Variants in GPR179 observed in about 807,000 individuals in gnomAD.
GPR179 encodes probable G protein-coupled receptor 179.
Under a neutral mutation model 70.8 loss-of-function variants are expected in GPR179, and 52 were observed. The ratio of observed to expected loss-of-function variants is 0.73; its 90% confidence interval spans 0.59 to 0.93. GPR179 has a LOEUF of 0.93. Ranked by LOEUF, GPR179 falls within the 40% of genes least tolerant of loss-of-function variation. The pLI is 0.00. For missense variants in GPR179, 2,734 were observed against 2,966.8 expected (o/e 0.92, Z 1.82); for synonymous variants, 1,123 against 1,169.0 (o/e 0.96, Z 0.80).
chr17:38,332,985 C>T (rs921901003), intron 10 of GPR179, among the ~76,000 whole-genome samples: 4 of 152,244 alleles, frequency 2.6e-5, no homozygotes. Context: ...AGTAGGGCTC[C>T]ACTCTCGGCC....
chr17:38,340,866 C>T (rs1468742676), intron 1 of GPR179, among the ~76,000 whole-genome samples: 1 of 152,184 alleles, frequency 6.6e-6, no homozygotes, highest in Non-Finnish European at 1.5e-5. Flanking sequence ...TGCAGTGAGC[C>T]AAGATGGCGC....
In GPR179 at chr17:38,343,118, C is replaced by A. The variant is rs368375083; in HGVS notation, c.672G>T (p.Thr224=). The A allele has an allele frequency of 3.1e-6, 5 of 1,614,066 alleles. No homozygotes were observed. In the South Asian group the frequency reaches 3.3e-5, roughly 11 times the overall value. ...WPQADGYVGD[T]QQVRLSPPFL... ...AAGGAGGAGACAGCCTCACCTGCTG[C>A]GTGTCCCCCACATATCCATCTGCCT... Residue 224 remains threonine, a synonymous_variant, in exon 1 of 11, where the codon ACG becomes ACT. Coordinates refer to ENST00000616987, the MANE Select transcript of GPR179 (RefSeq NM_001004334.4). This position sits in a 1 kb window ranked among gnomAD's most constrained non-coding sequence, Gnocchi z 4.2.
At position 38,335,223 on chromosome 17, in the gene GPR179, C is replaced by T; in HGVS notation, c.1455G>A (p.Leu485=). ...GGTGCCGCAGCAGCCGCCCGCTGCT[C>T]AGAAGGGCACTCCGCTGGGCCGTTC... is the stretch of plus-strand genomic sequence containing the variant. ...LSRTAQRSAL[L]SSGRLLRHLG... The change falls in exon 7 of 11, where the codon CTG becomes CTA. Residue 485 remains leucine (L), a synonymous_variant. Transcript: ENST00000616987. 2.6e-6 allele frequency: 4 copies of T among 1,553,732 alleles called. No homozygotes were observed.
chr17:38,330,134 GA>G lies in GPR179; in HGVS notation c.3434del (p.Ile1145ThrfsTer39), dbSNP rs771804966. ...PKAVSKQAALIPSDDKESLQN... is the reference protein window; with the variant it reads ...PKAVSKQAALXPSDDKESLQN... ...GGAGGGACTCCTTGTCATCGGAGGG[GA>G]TAAGAGCGGCCTGCTTACTCACCGC... On this transcript the variant is annotated frameshift_variant, in exon 11 of 11. Transcript: ENST00000616987. LOFTEE classifies it low-confidence loss of function (END_TRUNC). 10 of 1,600,966 alleles carry G rather than the reference GA, an allele frequency of 6.2e-6. No individual in the cohort carries two copies. The African/African-American group carries it at 1.2e-4, about 19-fold the overall frequency.
chr17:38,328,443 A>C lies in GPR179; in HGVS notation c.5126T>G (p.Val1709Gly), dbSNP rs745336444. The part of the protein sequence containing the change: ...AGKAEICPWE[V>G]GAGAGEERAL... ...CCTTTCCTCCCCTGCTCCAGCACCC[A>C]CCTCCCAGGGACAGATTTCTGCCTT... Residue 1709 changes from valine to glycine, a missense_variant, in exon 11 of 11, where the codon GTG becomes GGG. Physicochemically the swap from Val to Gly is moderately radical, Grantham distance 109. Coordinates refer to ENST00000616987, the MANE Select transcript of GPR179 (RefSeq NM_001004334.4). 1.2e-5 allele frequency: 20 copies of C among 1,613,382 alleles called. No individual in the cohort carries two copies. In the South Asian group the frequency reaches 2.1e-4, roughly 17 times the overall value.
In GPR179 at chr17:38,339,506, C is replaced by T. The variant is rs183799079; in HGVS notation, c.814G>A (p.Val272Ile). The T allele has an allele frequency of 5.8e-4, 943 of 1,613,808 alleles. 2 individuals carry two copies. Among genetic ancestry groups the T allele is most frequent in the Non-Finnish European group, 7.3e-4 (867 of 1,179,734 alleles). ...TTGATGTCCACACTCTGGAGATCTA[C>T]GTCCATCTGCACCTGCCCCCTACGG... Reference protein sequence around the residue: ...PEVRGQVQMDVDLQSVDINQC... With the variant: ...PEVRGQVQMDIDLQSVDINQC... The change falls in exon 2 of 11, where the codon GTA becomes ATA. Residue 272 changes from valine (V) to isoleucine (I), a missense_variant. By Grantham distance (29) the Val-to-Ile change is conservative. Coordinates refer to ENST00000616987, the MANE Select transcript of GPR179 (RefSeq NM_001004334.4).
rs1180447115 is a variant in GPR179 at position 38,330,758 on chromosome 17, A to G, written c.2811T>C (p.Val937=). ...CAGACAGGGCCAAGATGGGGGTAGA[A>G]ACCTGGTGCCTGATGGGTGGATGAG... ...RLPHPPIRHQ[V]STPILALSGG... The change falls in exon 11 of 11, where the codon GTT becomes GTC. Residue 937 remains valine, a synonymous_variant. Coordinates refer to ENST00000616987, the MANE Select transcript of GPR179 (RefSeq NM_001004334.4). The G allele has an allele frequency of 4.4e-6, 7 of 1,589,398 alleles. No homozygotes were observed. Among genetic ancestry groups the G allele is most frequent in the Non-Finnish European group, 6.0e-6 (7 of 1,165,352 alleles).
chr17:38,339,945 C>T (rs2037436200), intron 1 of GPR179, among the ~76,000 whole-genome samples: 1 of 152,310 alleles, frequency 6.6e-6, no homozygotes, highest in Non-Finnish European at 1.5e-5. Context: ...CAGAGGGATC[C>T]TGCCCTGTAC....
chr17:38,329,563 C>G lies in GPR179; in HGVS notation c.4006G>C (p.Ala1336Pro), dbSNP rs368126533. The G allele has an allele frequency of 3.3e-5, 54 of 1,613,870 alleles. No homozygotes were observed. Among genetic ancestry groups the G allele is most frequent in the Non-Finnish European group, 4.5e-5 (53 of 1,180,032 alleles). ...ADRGGLSPGS[A>P]PQDPGRIRDK... ...CTGATTCTGCCAGGGTCCTGAGGAG[C>G]TGACCCAGGGGACAGACCTCCTCGA... The change falls in exon 11 of 11, where the codon GCT (alanine) becomes CCT (proline). Residue 1336 changes from alanine to proline, a missense_variant. Physicochemically the swap from Ala to Pro is conservative, Grantham distance 27. Coordinates refer to ENST00000616987, the MANE Select transcript of GPR179 (RefSeq NM_001004334.4).
rs369190209 is a variant in GPR179, at chr17:38,328,183, A to C, written c.5386T>G (p.Cys1796Gly). The C allele has an allele frequency of 6.2e-7, 1 of 1,611,500 alleles. No homozygotes were observed. The highest frequency in any genetic ancestry group is 8.5e-7 in the Non-Finnish European group (1 of 1,179,430). ...CAGGGACACACTTCACCTGGCCTGC[A>C]GCCCATATGATCCAGTTCCTGGAAC... is the stretch of plus-strand genomic sequence containing the variant. ...AGFQELDHMG[C>G]RPGEVCPWEA... The change falls in exon 11 of 11, where the codon TGC becomes GGC. Residue 1796 changes from cysteine to glycine, a missense_variant. By Grantham distance (159) the Cys-to-Gly change is radical (BLOSUM62 -3). Transcript: ENST00000616987.
chr17:38,336,853 C>T (rs2037407713), intron 4 of GPR179, 125 bp downstream of exon 4: 2 of 992,886 alleles, frequency 2.0e-6, no homozygotes, highest in Non-Finnish European at 3.0e-6. Context: ...CATCATGCTA[C>T]ACAGTGAGTT....
At position 38,343,886 on chromosome 17, in the gene GPR179, T is replaced by C; in HGVS notation, c.-97A>G. 1.0e-6 allele frequency: 1 copy of C among 983,736 alleles called. No homozygotes were observed. Among genetic ancestry groups the C allele is most frequent in the Non-Finnish European group, 1.5e-6 (1 of 688,846 alleles). The allele number at this position is 983,736 out of a possible 1,614,324, so 60.9% of individuals were successfully genotyped here. ...GGGCTGTCGGCCTCCACGCCTCCTATGCTGGCGTTCCTTCTTCCTCTCTCC... is the reference window on the plus strand; with the variant it reads ...GGGCTGTCGGCCTCCACGCCTCCTACGCTGGCGTTCCTTCTTCCTCTCTCC... On this transcript the variant is annotated 5_prime_UTR_variant, in exon 1 of 11. Coordinates refer to ENST00000616987, the MANE Select transcript of GPR179 (RefSeq NM_001004334.4). The surrounding 1 kb of genome is among the most constrained non-coding windows in gnomAD (Gnocchi z 4.2).
At chr17:38,335,557 G>A in intron 6 of GPR179, 34 bp downstream of exon 6, 2 of 1,442,640 alleles carry the variant, frequency 1.4e-6, no homozygotes, top group Non-Finnish European at 2.0e-6. Flanking sequence ...TCTGGGATGA[G>A]CAGCATGAGA....
rs1210316038 is a variant in GPR179, at chr17:38,326,750, T to A, written c.6819A>T (p.Lys2273Asn). 1 of 1,613,970 alleles carries A rather than the reference T, an allele frequency of 6.2e-7. No homozygotes were observed. The highest frequency in any genetic ancestry group is 8.5e-7 in the Non-Finnish European group (1 of 1,180,016). The change falls in exon 11 of 11, where the codon AAA (lysine) becomes AAT (asparagine). Residue 2273 changes from lysine to asparagine, a missense_variant. Coordinates refer to ENST00000616987, the MANE Select transcript of GPR179 (RefSeq NM_001004334.4). ...RREFFPTAPE[K>N]PLCLLVHGPL... ...GCCCATGGACTAAAAGGCATAGTGGTTTTTCAGGAGCTGTGGGGAAAAATT... is the reference window on the plus strand; with the variant it reads ...GCCCATGGACTAAAAGGCATAGTGGATTTTCAGGAGCTGTGGGGAAAAATT...
At position 38,343,517 on chromosome 17, in the gene GPR179, G is replaced by A. The variant is rs1293853341; in HGVS notation, c.273C>T (p.Leu91=). Residue 91 remains leucine (L), a synonymous_variant, in exon 1 of 11, where the codon CTC becomes CTT. Transcript: ENST00000616987. This position sits in a 1 kb window ranked among gnomAD's most constrained non-coding sequence, Gnocchi z 4.2. ...EARGAGAMPG[L]PPSLQGAAGT... ...CCGCTGCCCCCTGTAGGCTTGGGGGGAGCCCTGGCATGGCTCCTGCCCCAC... is the reference window on the plus strand; with the variant it reads ...CCGCTGCCCCCTGTAGGCTTGGGGGAAGCCCTGGCATGGCTCCTGCCCCAC... 1.2e-6 allele frequency: 2 copies of A among 1,613,644 alleles called. No homozygotes were observed. Among genetic ancestry groups the A allele is most frequent in the East Asian group, 2.2e-5 (1 of 44,886 alleles).
Position 38,337,643 on chromosome 17 carries a change from G to C in GPR179, c.981C>G (p.Ser327Arg). 6.2e-7 allele frequency: 1 copy of C among 1,604,676 alleles called. No individual in the cohort carries two copies. The highest frequency in any genetic ancestry group is 8.5e-7 in the Non-Finnish European group (1 of 1,175,832). The stretch of plus-strand genomic sequence containing the variant: ...ACCACACTTACATACCCCCAGAGGG[G>C]CTTGCCCCGTAGAATCCAGGTCGGC... ...CRCRPGFYGASPSGGLEESDF... is the reference protein window; with the variant it reads ...CRCRPGFYGARPSGGLEESDF... Residue 327 changes from serine to arginine, a missense_variant, in exon 3 of 11, where the codon AGC becomes AGG. By Grantham distance (110) the Ser-to-Arg change is moderately radical. Coordinates refer to ENST00000616987, the MANE Select transcript of GPR179 (RefSeq NM_001004334.4).
chr17:38,330,681 G>A lies in GPR179; in HGVS notation c.2888C>T (p.Ala963Val). The change falls in exon 11 of 11, where the codon GCT becomes GTT. Residue 963 changes from alanine to valine, a missense_variant. Coordinates refer to ENST00000616987, the MANE Select transcript of GPR179 (RefSeq NM_001004334.4). ...GGTTGGAGCTAGAGCTGGCAGCAGA[G>A]CTGGAGCCAAGGTGGAGGTGGGAGA... ...MLSPTSTLAP[A>V]LLPALAPTPA... is the part of the protein sequence containing the mutation. 6.2e-7 allele frequency: 1 copy of A among 1,601,010 alleles called. No homozygotes were observed. The highest frequency in any genetic ancestry group is 8.5e-7 in the Non-Finnish European group (1 of 1,172,156).
intron 1 of GPR179, 143 bp from the exon 2 acceptor site, chr17:38,339,668 G>A: frequency 1.6e-6 from 1 of 612,662 alleles, no homozygotes; most frequent in Non-Finnish European, 2.9e-6. Context: ...AAGGAGATTA[G>A]AAGGGTTCAG....
At chr17:38,342,885 C>T (rs530087866) in intron 1 of GPR179, 111 bp downstream of exon 1, 1 of 1,040,590 alleles carries the variant, frequency 9.6e-7, no homozygotes, top group Non-Finnish European at 1.4e-6. Context: ...TCTGTGTGCC[C>T]CCCAGGCATG....
Sources: allele counts gnomAD v4.1 joint callset (sites outside exome capture counted in the v4.1 genomes callset), GRCh38; gene constraint gnomAD v4.1.1; non-coding constraint Gnocchi (gnomAD v3.1); transcripts MANE v1.5; gene names NCBI Gene and HGNC (gene_info 2026-07-23, HGNC 2026-07-21).